Variants in POU3F4 observed in about 807,000 individuals in gnomAD.
The protein encoded by POU3F4 is POU class 3 homeobox 4, also known as POU domain, class 3, transcription factor 4.
POU3F4 carries 2 observed loss-of-function variants against 15.2 expected under a neutral mutation model. The observed-to-expected ratio is 0.13, with a 90% CI of 0.05 to 0.42. The LOEUF (loss-of-function observed/expected upper bound fraction) is 0.42. POU3F4 is among the 10% of genes least tolerant of loss of function. POU3F4 has a pLI of 0.99. For missense variants in POU3F4, 220 were observed against 297.0 expected, an observed-to-expected ratio of 0.74 and a Z score of 1.91; for synonymous variants, 158 against 133.3, an observed-to-expected ratio of 1.19 and a Z score of -1.28.
rs752058465 is a variant in POU3F4 at position 83,508,824 on chromosome X, G to A, written c.500G>A (p.Arg167Gln). Residue 167 changes from arginine (R) to glutamine (Q), a missense_variant, in exon 1 of 1, where the codon CGA (arginine) becomes CAA (glutamine). Physicochemically the swap from Arg to Gln is conservative, Grantham distance 43 (BLOSUM62 1). Around this residue, in one of 5 missense-constraint regions of POU3F4, gnomAD observed 161 missense variants for 154.1 expected, o/e 1.05. Transcript: ENST00000644024. ...ASAQSLHPVLREPPDHGELGS... is the reference protein window; with the variant it reads ...ASAQSLHPVLQEPPDHGELGS... The stretch of plus-strand genomic sequence containing the variant: ...GCACAGAGCCTGCACCCGGTGCTCC[G>A]AGAGCCCCCGGATCACGGCGAACTG... 8.3e-7 allele frequency: 1 copy of A among 1,207,175 alleles called. No individual in the cohort carries two copies. The highest frequency in any genetic ancestry group is 1.8e-5 in the South Asian group (1 of 56,183).
chrX:83,510,975 C>G lies in POU3F4; in HGVS notation c.*1565C>G, dbSNP rs1925900125. The G allele has an allele frequency of 9.1e-6, 1 of 109,655 alleles. No individual in the cohort carries two copies. The highest frequency in any genetic ancestry group is 3.3e-5 in the African/African-American group (1 of 30,055). 9.0% of individuals were successfully genotyped at this position (109,655 alleles called of 1,213,427 possible). On this transcript the variant is annotated 3_prime_UTR_variant, in exon 1 of 1. Coordinates refer to ENST00000644024, the MANE Select transcript of POU3F4 (RefSeq NM_000307.5). The stretch of plus-strand genomic sequence containing the variant: ...GTGGGCTCGTGGGGAGCTGTCTCGG[C>G]GTTTCTGATAAGCACAGCTGGTGGA...
In POU3F4 at chrX:83,510,252, A is replaced by G. The variant is rs778616887; in HGVS notation, c.*842A>G. ...ATTGCTTAGAAAAGGGAGGAGATGA[A>G]TGGGAATAGGCGGGGAGAGAGATGC... On this transcript the variant is annotated 3_prime_UTR_variant, in exon 1 of 1. Coordinates refer to ENST00000644024, the MANE Select transcript of POU3F4 (RefSeq NM_000307.5). 40 of 107,058 alleles carry G rather than the reference A, an allele frequency of 3.7e-4. No homozygotes were observed. Among genetic ancestry groups the G allele is most frequent in the African/African-American group, 1.4e-3 (40 of 28,945 alleles). 8.8% of individuals were successfully genotyped at this position (107,058 alleles called of 1,213,427 possible). A position where few individuals can be genotyped will look rare whatever the true frequency, so the allele number is the denominator to read the frequency against.
At position 83,508,765 on chromosome X, in the gene POU3F4, C is replaced by T. The variant is rs771990622; in HGVS notation, c.441C>T (p.His147=). Reference sequence around the variant, plus strand: ...TCACCGTGAGCGGCATGCTGGAACACGGGGGACTCACCCCACCTCCAGCTG... The same window carrying T: ...TCACCGTGAGCGGCATGCTGGAACATGGGGGACTCACCCCACCTCCAGCTG... ...PGFTVSGMLE[H]GGLTPPPAAA... is the part of the protein sequence containing the mutation. The change falls in exon 1 of 1, where the codon CAC becomes CAT. Residue 147 remains histidine, a synonymous_variant. Transcript: ENST00000644024. The T allele has an allele frequency of 1.7e-6, 2 of 1,205,533 alleles. No individual in the cohort carries two copies. Among genetic ancestry groups the T allele is most frequent in the African/African-American group, 1.7e-5 (1 of 57,790 alleles).
Position 83,508,505 on chromosome X carries a change from C to A in POU3F4, c.181C>A (p.Leu61Met). The A allele has an allele frequency of 8.3e-7, 1 of 1,204,663 alleles. No individual in the cohort carries two copies. Among genetic ancestry groups the A allele is most frequent in the Non-Finnish European group, 1.1e-6 (1 of 891,595 alleles). Residue 61 changes from leucine to methionine, a missense_variant, in exon 1 of 1, where the codon CTG becomes ATG. Physicochemically the swap from Leu to Met is conservative, Grantham distance 15. Coordinates refer to ENST00000644024, the MANE Select transcript of POU3F4 (RefSeq NM_000307.5). ...CCTCGGGCATCACTGGGTGACCAGT[C>A]TGAGCGACGGGGGCCCATGGTCCTC... ...HPLGHHWVTS[L>M]SDGGPWSSTL... is the part of the protein sequence containing the mutation.
chrX:83,508,317 C>T lies in POU3F4; in HGVS notation c.-8C>T, dbSNP rs1353742435. ...CACATTATAACTAGTAGGGGATCCT[C>T]ACCGACCATGGCCACAGCTGCCTCG... On this transcript the variant is annotated 5_prime_UTR_variant, in exon 1 of 1. Coordinates refer to ENST00000644024, the MANE Select transcript of POU3F4 (RefSeq NM_000307.5). 2 of 1,212,190 alleles carry T rather than the reference C, an allele frequency of 1.6e-6. No individual in the cohort carries two copies.
At position 83,509,578 on chromosome X, in the gene POU3F4, T is replaced by A; in HGVS notation, c.*168T>A. 1 of 713,017 alleles carries A rather than the reference T, an allele frequency of 1.4e-6. No homozygotes were observed. Among genetic ancestry groups the A allele is most frequent in the Non-Finnish European group, 2.0e-6 (1 of 497,628 alleles). The allele number at this position is 713,017 out of a possible 1,213,427, so 58.8% of individuals were successfully genotyped here. ...TCCCTCCTTTCCTTTTTCTTTCCTT[T>A]CCCCTTTTTCTTTCCCTTCTTTTTC... On this transcript the variant is annotated 3_prime_UTR_variant, in exon 1 of 1. Transcript: ENST00000644024.
Position 83,508,548 on chromosome X carries a change from C to G in POU3F4, c.224C>G (p.Pro75Arg). ...GPWSSTLATS[P>R]LDQQDVKPGR... ...TGGTCCTCCACACTGGCCACCAGCC[C>G]CCTGGACCAGCAGGACGTGAAGCCC... The change falls in exon 1 of 1, where the codon CCC becomes CGC. Residue 75 changes from proline (P) to arginine (R), a missense_variant. Pro to Arg is a moderately radical substitution (Grantham distance 103). Transcript: ENST00000644024. The G allele has an allele frequency of 8.3e-7, 1 of 1,204,823 alleles. No homozygotes were observed. Among genetic ancestry groups the G allele is most frequent in the Non-Finnish European group, 1.1e-6 (1 of 891,979 alleles).
rs367805648 is a variant in POU3F4 at position 83,509,209 on chromosome X, G to C, written c.885G>C (p.Thr295=). The change falls in exon 1 of 1, where the codon ACG becomes ACC. Residue 295 remains threonine, a synonymous_variant. Coordinates refer to ENST00000644024, the MANE Select transcript of POU3F4 (RefSeq NM_000307.5). ...TGAGTGTCAAGGGCGTACTGGAGACGCATTTCCTCAAGTGTCCCAAGCCTG... is the reference window on the plus strand; with the variant it reads ...TGAGTGTCAAGGGCGTACTGGAGACCCATTTCCTCAAGTGTCCCAAGCCTG... ...IEVSVKGVLE[T]HFLKCPKPAA... 24 of 1,210,048 alleles carry C rather than the reference G, an allele frequency of 2.0e-5. No homozygotes were observed. The highest frequency in any genetic ancestry group is 2.6e-5 in the Non-Finnish European group (23 of 895,005).
At position 83,508,367 on chromosome X, in the gene POU3F4, A is replaced by C. The variant is rs1925823915; in HGVS notation, c.43A>C (p.Thr15Pro). 1.7e-6 allele frequency: 2 copies of C among 1,209,836 alleles called. No homozygotes were observed. Among genetic ancestry groups the C allele is most frequent in the Non-Finnish European group, 2.2e-6 (2 of 895,134 alleles). The change falls in exon 1 of 1, where the codon ACC (threonine) becomes CCC (proline). Residue 15 changes from threonine to proline, a missense_variant. By Grantham distance (38) the Thr-to-Pro change is conservative. Transcript: ENST00000644024. Reference protein sequence around the residue: ...ASNPYSILSSTSLVHADSAGM... With the variant: ...ASNPYSILSSPSLVHADSAGM... ...GAATCCCTACAGCATTCTCAGTTCC[A>C]CCTCCCTAGTCCATGCGGACTCTGC...
chrX:83,509,385 C>T lies in POU3F4; in HGVS notation c.1061C>T (p.Thr354Ile), dbSNP rs144463918. 1 of 1,204,647 alleles carries T rather than the reference C, an allele frequency of 8.3e-7. No homozygotes were observed. The highest frequency in any genetic ancestry group is 1.1e-6 in the Non-Finnish European group (1 of 891,601). The change falls in exon 1 of 1, where the codon ACA becomes ATA. Residue 354 changes from threonine (T) to isoleucine (I), a missense_variant. This residue lies in a region of POU3F4 where 19 missense variants were observed against 22.9 expected (regional missense o/e 0.83). Transcript: ENST00000644024. ...PHEVYSHTVK[T>I]DTSCHDL ...GAGGTTTATTCGCACACCGTGAAAA[C>T]AGACACATCTTGCCATGATCTCTGA...
chrX:83,508,480 C>A lies in POU3F4; in HGVS notation c.156C>A (p.Pro52=). Residue 52 remains proline (P), a synonymous_variant, in exon 1 of 1, where the codon CCC becomes CCA. Coordinates refer to ENST00000644024, the MANE Select transcript of POU3F4 (RefSeq NM_000307.5). ...YLQGVPSNGH[P]LGHHWVTSLS... is the part of the protein sequence containing the mutation. ...AGGGAGTTCCCAGCAATGGGCATCC[C>A]CTCGGGCATCACTGGGTGACCAGTC... 8.3e-7 allele frequency: 1 copy of A among 1,207,908 alleles called. No individual in the cohort carries two copies. Among genetic ancestry groups the A allele is most frequent in the Non-Finnish European group, 1.1e-6 (1 of 893,423 alleles).
Position 83,509,509 on chromosome X carries a change from T to A in POU3F4, c.*99T>A. The A allele has an allele frequency of 9.1e-7, 1 of 1,101,307 alleles. No individual in the cohort carries two copies. The highest frequency in any genetic ancestry group is 1.2e-6 in the Non-Finnish European group (1 of 816,527). The allele number at this position is 1,101,307 out of a possible 1,213,427, so 90.8% of individuals were successfully genotyped here. A position where few individuals can be genotyped will look rare whatever the true frequency, so the allele number is the denominator to read the frequency against. On this transcript the variant is annotated 3_prime_UTR_variant, in exon 1 of 1. Transcript: ENST00000644024. ...TTCATTCTAGTATTCTTTATTATTT[T>A]TCTCTCTCTCTCGTTCGCTCGCTCT...
chrX:83,511,600 GTC>G lies in POU3F4; in HGVS notation c.*2194_*2195del, dbSNP rs1186468930. ...CCGGACCCTTCTACTTTTTTGTCAA[GTC>G]TCTGCATTCTGTTGGTAGTTAGGTT... On this transcript the variant is annotated 3_prime_UTR_variant, in exon 1 of 1. Transcript: ENST00000644024. 1 of 112,413 alleles carries G rather than the reference GTC, an allele frequency of 8.9e-6. No individual in the cohort carries two copies. Among genetic ancestry groups the G allele is most frequent in the African/African-American group, 3.2e-5 (1 of 30,879 alleles). The allele number at this position is 112,413 out of a possible 1,213,427, so 9.3% of individuals were successfully genotyped here.
chrX:83,509,266 C>T lies in POU3F4; in HGVS notation c.942C>T (p.Ser314=), dbSNP rs1323909344. The T allele has an allele frequency of 7.4e-6, 9 of 1,211,931 alleles. No individual in the cohort carries two copies. Among genetic ancestry groups the T allele is most frequent in the Non-Finnish European group, 1.0e-5 (9 of 895,474 alleles). ...AGGAGATCTCCTCGCTGGCAGACAG[C>T]CTCCAGTTGGAGAAGGAAGTGGTGC... ...AAQEISSLAD[S]LQLEKEVVRV... Residue 314 remains serine, a synonymous_variant, in exon 1 of 1, where the codon AGC becomes AGT. Coordinates refer to ENST00000644024, the MANE Select transcript of POU3F4 (RefSeq NM_000307.5).
In POU3F4 at chrX:83,511,204, A is replaced by G. The variant is rs1243893475; in HGVS notation, c.*1794A>G. Reference sequence around the variant, plus strand: ...GTACAAAAACAAAAAGTACAAAAAAAAAAAAAAACCTGGCTAGGCTGTGTA... The same window carrying G: ...GTACAAAAACAAAAAGTACAAAAAAGAAAAAAAACCTGGCTAGGCTGTGTA... On this transcript the variant is annotated 3_prime_UTR_variant, in exon 1 of 1. Coordinates refer to ENST00000644024, the MANE Select transcript of POU3F4 (RefSeq NM_000307.5). The G allele has an allele frequency of 9.1e-6, 1 of 109,515 alleles. No homozygotes were observed. The highest frequency in any genetic ancestry group is 1.9e-5 in the Non-Finnish European group (1 of 52,339). The allele number at this position is 109,515 out of a possible 1,213,427, so 9.0% of individuals were successfully genotyped here.
Position 83,508,523 on chromosome X carries a change from T to C in POU3F4, c.199T>C (p.Trp67Arg). ...WVTSLSDGGP[W>R]SSTLATSPLD... ...GACCAGTCTGAGCGACGGGGGCCCA[T>C]GGTCCTCCACACTGGCCACCAGCCC... is the stretch of plus-strand genomic sequence containing the variant. The change falls in exon 1 of 1, where the codon TGG becomes CGG. Residue 67 changes from tryptophan (W) to arginine (R), a missense_variant. Trp to Arg is a moderately radical substitution (Grantham distance 101). Transcript: ENST00000644024. The C allele has an allele frequency of 2.5e-6, 3 of 1,203,566 alleles. No homozygotes were observed. Among genetic ancestry groups the C allele is most frequent in the Non-Finnish European group, 3.4e-6 (3 of 891,159 alleles).
chrX:83,509,580 C>A lies in POU3F4; in HGVS notation c.*170C>A. 1.4e-6 allele frequency: 1 copy of A among 706,651 alleles called. No homozygotes were observed. 58.2% of individuals were successfully genotyped at this position (706,651 alleles called of 1,213,427 possible). ...CCTCCTTTCCTTTTTCTTTCCTTTC[C>A]CCTTTTTCTTTCCCTTCTTTTTCCC... is the stretch of plus-strand genomic sequence containing the variant. On this transcript the variant is annotated 3_prime_UTR_variant, in exon 1 of 1. Coordinates refer to ENST00000644024, the MANE Select transcript of POU3F4 (RefSeq NM_000307.5).
rs1405732070 is a variant in POU3F4 at position 83,510,831 on chromosome X, T to TG, written c.*1426dup. 1 of 108,416 alleles carries TG rather than the reference T, an allele frequency of 9.2e-6. No homozygotes were observed. The highest frequency in any genetic ancestry group is 1.9e-5 in the Non-Finnish European group (1 of 52,215). 8.9% of individuals were successfully genotyped at this position (108,416 alleles called of 1,213,427 possible). ...CCCTTGGGGAGGGGTGGCGAGGGAG[T>TG]GGGGGATAGGCATTCTCTGCTCAGT... On this transcript the variant is annotated 3_prime_UTR_variant, in exon 1 of 1. Coordinates refer to ENST00000644024, the MANE Select transcript of POU3F4 (RefSeq NM_000307.5).
chrX:83,509,730 G>T lies in POU3F4; in HGVS notation c.*320G>T, dbSNP rs1325106094. On this transcript the variant is annotated 3_prime_UTR_variant, in exon 1 of 1. Coordinates refer to ENST00000644024, the MANE Select transcript of POU3F4 (RefSeq NM_000307.5). ...TTTCCCTTTTCTTTCCTTTTCATAA[G>T]AGGTTCTAACTTCTGTTGACAAAGG... The T allele has an allele frequency of 6.6e-6, 2 of 302,315 alleles. No individual in the cohort carries two copies. Among genetic ancestry groups the T allele is most frequent in the African/African-American group, 5.9e-5 (2 of 34,050 alleles). 24.9% of individuals were successfully genotyped at this position (302,315 alleles called of 1,213,427 possible).
Sources: gnomAD v4.1 joint callset for allele counts on GRCh38, gnomAD v4.1.1 for gene constraint, gnomAD v4.1.1 regional missense constraint, MANE v1.5 for transcripts, NCBI Gene and HGNC (gene_info 2026-07-23, HGNC 2026-07-21) for gene names.